ATP2A1: variants seen among roughly 807,000 people sequenced by gnomAD.
The protein encoded by ATP2A1 is sarcoplasmic/endoplasmic reticulum calcium ATPase 1.
In ATP2A1, 83 loss-of-function variants were observed where a neutral mutation model predicts 109.5. That is an observed-to-expected ratio of 0.76 (90% CI 0.63 to 0.91). ATP2A1 has a LOEUF of 0.91. ATP2A1 is among the 40% of genes least tolerant of loss of function. The pLI, the probability that ATP2A1 is intolerant of heterozygous loss-of-function variation, is 0.00. For missense variants in ATP2A1, 1,101 were observed against 1,341.0 expected, an observed-to-expected ratio of 0.82 and a Z score of 2.80; for synonymous variants, 505 against 537.6, an observed-to-expected ratio of 0.94 and a Z score of 0.84.
chr16:28,890,686 TG>T (rs1963745119), intron 9 of ATP2A1, among the ~76,000 whole-genome samples: 2 of 151,858 alleles, frequency 1.3e-5, no homozygotes, highest in African/African-American at 4.8e-5. Context: ...TTTTTTTGTT[TG>T]TTTTTTTTTG....
At position 28,900,833 on chromosome 16, in the gene ATP2A1, G is replaced by A; in HGVS notation, c.2017G>A (p.Ala673Thr). Residue 673 changes from alanine (A) to threonine (T), a missense_variant, in exon 15 of 23, where the codon GCC becomes ACC. Physicochemically the swap from Ala to Thr is moderately conservative, Grantham distance 58. Transcript: ENST00000395503. Reference protein sequence around the residue: ...LAEQREACRRACCFARVEPSH... With the variant: ...LAEQREACRRTCCFARVEPSH... ...TGAACAGCGGGAAGCCTGCCGACGT[G>A]CCTGCTGCTTCGCCCGTGTGGAGCC... The A allele has an allele frequency of 1.2e-6, 2 of 1,614,218 alleles. No individual in the cohort carries two copies. The highest frequency in any genetic ancestry group is 1.3e-5 in the African/African-American group (1 of 75,046).
At position 28,903,452 on chromosome 16, in the gene ATP2A1, C is replaced by T. The variant is rs2152215707; in HGVS notation, c.2980+12C>T. The T allele has an allele frequency of 6.2e-7, 1 of 1,604,904 alleles. No homozygotes were observed. The highest frequency in any genetic ancestry group is 2.2e-5 in the East Asian group (1 of 44,812). On this transcript the variant is annotated intron_variant, in intron 21 of 22. Transcript: ENST00000395503. The surrounding 1 kb of genome is among the most constrained non-coding windows in gnomAD (Gnocchi z 5.6). Reference sequence around the variant, plus strand: ...GAACTACCTAGAGGGTAAGGAGTGCCCTCTCTGTCCCAAGCCCTGGCCCCA... The same window carrying T: ...GAACTACCTAGAGGGTAAGGAGTGCTCTCTCTGTCCCAAGCCCTGGCCCCA...
rs1963645121 is a variant in ATP2A1 at position 28,887,454 on chromosome 16, G to A, written c.660G>A (p.Leu220=). The A allele has an allele frequency of 1.2e-6, 2 of 1,613,914 alleles. No homozygotes were observed. The highest frequency in any genetic ancestry group is 1.7e-6 in the Non-Finnish European group (2 of 1,180,028). ...SGTNIAAGKA[L]GIVATTGVGT... is the part of the protein sequence containing the mutation. The stretch of plus-strand genomic sequence containing the variant: ...CCAACATTGCAGCCGGCAAGGCCTT[G>A]GGCATCGTGGCCACCACTGGTGTGG... Residue 220 remains leucine (L), a synonymous_variant, in exon 8 of 23, where the codon TTG becomes TTA. Coordinates refer to ENST00000395503, the MANE Select transcript of ATP2A1 (RefSeq NM_004320.6).
At chr16:28,879,711 T>C in intron 3 of ATP2A1, 128 bp downstream of exon 3, 1 of 1,142,200 alleles carries the variant, frequency 8.8e-7, no homozygotes, top group Non-Finnish European at 1.3e-6. Context: ...CGGGGCGGGC[T>C]GGCGCGCAGC....
At chr16:28,890,628 A>C (rs981230698) in intron 9 of ATP2A1, among the ~76,000 whole-genome samples, 2 of 152,166 alleles carry the variant, frequency 1.3e-5, no homozygotes, top group Non-Finnish European at 2.9e-5. Flanking sequence ...CACCTTTTAA[A>C]AGATAAAATA....
chr16:28,903,551 C>A lies in ATP2A1; in HGVS notation c.2980+111C>A. 8.0e-7 allele frequency: 1 copy of A among 1,257,226 alleles called. No individual in the cohort carries two copies. Among genetic ancestry groups the A allele is most frequent in the Non-Finnish European group, 1.2e-6 (1 of 860,296 alleles). The allele number at this position is 1,257,226 out of a possible 1,614,324, so 77.9% of individuals were successfully genotyped here. On this transcript the variant is annotated intron_variant, in intron 21 of 22. Transcript: ENST00000395503. The surrounding 1 kb of genome is among the most constrained non-coding windows in gnomAD (Gnocchi z 5.6). ...CAGGTGGTAAGTTTCTCAGCCCTGG[C>A]AGGACCTGTGTCCGCCCCGTTCCCC...
chr16:28,889,349 C>T (rs1182412712), intron 9 of ATP2A1, among the ~76,000 whole-genome samples: 3 of 152,044 alleles, frequency 2.0e-5, no homozygotes, highest in African/African-American at 4.8e-5. Flanking sequence ...CTCTGCCTCC[C>T]GGGTTCAAGC....
intron 9 of ATP2A1, among the ~76,000 whole-genome samples, chr16:28,893,655 G>GTTTTTTTTTTTTTTTTT: frequency 8.9e-6 from 1 of 111,996 alleles, no homozygotes; most frequent in Non-Finnish European, 1.8e-5. Flanking sequence ...GTTTTTTTTT[G>GTTTTTTTTTTTTTTTTT]TTTTTTTTTT....
Position 28,898,385 on chromosome 16 carries a change from C to A in ATP2A1, c.1698C>A (p.Thr566=), listed in dbSNP as rs1320109202. 1 of 1,614,078 alleles carries A rather than the reference C, an allele frequency of 6.2e-7. No individual in the cohort carries two copies. Among genetic ancestry groups the A allele is most frequent in the African/African-American group, 1.3e-5 (1 of 74,938 alleles). ...CCCTGCGCTGCTTGGCCCTGGCCAC[C>A]CGGGACACCCCCCCGAAGCGAGAGG... ...RDTLRCLALA[T]RDTPPKREEM... Residue 566 remains threonine, a synonymous_variant, in exon 14 of 23, where the codon ACC becomes ACA. Transcript: ENST00000395503. This position sits in a 1 kb window ranked among gnomAD's most constrained non-coding sequence, Gnocchi z 4.0.
Position 28,883,910 on chromosome 16 carries a change from C to T in ATP2A1, c.464-665C>T, listed in dbSNP as rs1963553773. On this transcript the variant is annotated intron_variant, in intron 5 of 22. Coordinates refer to ENST00000395503, the MANE Select transcript of ATP2A1 (RefSeq NM_004320.6). The surrounding 1 kb of genome is among the most constrained non-coding windows in gnomAD (Gnocchi z 5.2). ...GCTGTCAGGTTCCCGATATGTGGTC[C>T]TCTCCATGACCACCCTGTGCCCCCC... Among the ~76,000 whole-genome samples, 1 of 152,134 alleles carries T rather than the reference C, an allele frequency of 6.6e-6. No individual in the cohort carries two copies. Among genetic ancestry groups the T allele is most frequent in the Admixed American group, 6.6e-5 (1 of 15,262 alleles).
chr16:28,886,601 C>T (rs1764462805), intron 6 of ATP2A1, among the ~76,000 whole-genome samples: 1 of 152,008 alleles, frequency 6.6e-6, no homozygotes, highest in South Asian at 2.1e-4. Context: ...GTGTACATGT[C>T]CTTGTCCCCA....
At chr16:28,900,530 G>T (rs1156268670) in intron 14 of ATP2A1, 51 bp from the exon 15 acceptor site, 1 of 1,501,084 alleles carries the variant, frequency 6.7e-7, no homozygotes, top group Non-Finnish European at 8.9e-7. Flanking sequence ...TCCTCCAGGG[G>T]AGTTTTCCAG....
rs2152215527 is a variant in ATP2A1, at chr16:28,903,271, C to T, written c.2863-52C>T. ...TGGGAGTGGGCTGGGCAGTGCTGGT[C>T]TCTGGCTCCCTCCCCACCCCCTCCT... On this transcript the variant is annotated intron_variant, in intron 20 of 22. Coordinates refer to ENST00000395503, the MANE Select transcript of ATP2A1 (RefSeq NM_004320.6). The surrounding 1 kb of genome is among the most constrained non-coding windows in gnomAD (Gnocchi z 5.6). 2 of 1,575,224 alleles carry T rather than the reference C, an allele frequency of 1.3e-6. No homozygotes were observed. The highest frequency in any genetic ancestry group is 2.2e-5 in the South Asian group (2 of 90,306).
chr16:28,903,134 T>C lies in ATP2A1; in HGVS notation c.2849T>C (p.Val950Ala), dbSNP rs750907915. ...SMSLHFLILY[V>A]DPLPMIFKLR... Reference sequence around the variant, plus strand: ...TCCCTGCACTTCCTCATCCTCTATGTTGACCCCCTGCCGGTGAGGTTTCTT... The same window carrying C: ...TCCCTGCACTTCCTCATCCTCTATGCTGACCCCCTGCCGGTGAGGTTTCTT... Residue 950 changes from valine to alanine, a missense_variant, in exon 20 of 23, where the codon GTT becomes GCT. By Grantham distance (64) the Val-to-Ala change is moderately conservative. Coordinates refer to ENST00000395503, the MANE Select transcript of ATP2A1 (RefSeq NM_004320.6). This position sits in a 1 kb window ranked among gnomAD's most constrained non-coding sequence, Gnocchi z 5.6. 5 of 1,613,648 alleles carry C rather than the reference T, an allele frequency of 3.1e-6. No individual in the cohort carries two copies. The highest frequency in any genetic ancestry group is 4.2e-6 in the Non-Finnish European group (5 of 1,179,952).
chr16:28,879,915 G>A (rs1042768108), intron 3 of ATP2A1: 924 of 829,216 alleles, frequency 1.1e-3, no homozygotes, highest in Middle Eastern at 4.0e-3. Flanking sequence ...GCGGCGCGGG[G>A]GGCCACTGCC....
chr16:28,881,004 C>A lies in ATP2A1; in HGVS notation c.309C>A (p.Ile103=). ...VILLILIANA[I]VGVWQERNAE... is the part of the protein sequence containing the mutation. ...TCTTGATCCTCATTGCCAATGCCAT[C>A]GTGGGGGTTTGGCAGGTTAGCGTTG... Residue 103 remains isoleucine (I), a synonymous_variant, in exon 4 of 23, where the codon ATC becomes ATA. Transcript: ENST00000395503. 3 of 1,614,126 alleles carry A rather than the reference C, an allele frequency of 1.9e-6. No homozygotes were observed. The highest frequency in any genetic ancestry group is 2.5e-6 in the Non-Finnish European group (3 of 1,179,964).
At chr16:28,893,797 GCAC>G (rs764445585) in intron 9 of ATP2A1, among the ~76,000 whole-genome samples, 1 of 151,638 alleles carries the variant, frequency 6.6e-6, no homozygotes, top group Non-Finnish European at 1.5e-5. Context: ...TTACAGGCGC[GCAC>G]CACCACACCT....
intron 9 of ATP2A1, among the ~76,000 whole-genome samples, chr16:28,890,552 G>A (rs966090860): frequency 6.6e-6 from 1 of 152,134 alleles, no homozygotes; most frequent in African/African-American, 2.4e-5. Flanking sequence ...CACTTTGGGA[G>A]GCTGAGGCGG....
intron 11 of ATP2A1, 40 bp from the exon 12 acceptor site, chr16:28,894,782 C>T: frequency 3.1e-6 from 5 of 1,609,692 alleles, no homozygotes; most frequent in Non-Finnish European, 4.2e-6. Flanking sequence ...AGGTAGGAGC[C>T]TGGGGCACCG....
Sources: gnomAD v4.1 joint callset for allele counts (sites outside exome capture counted in the v4.1 genomes callset) on GRCh38, gnomAD v4.1.1 for gene constraint, Gnocchi (gnomAD v3.1) non-coding constraint, MANE v1.5 for transcripts, NCBI Gene and HGNC (gene_info 2026-07-23, HGNC 2026-07-21) for gene names.